OR2L13: variants seen among roughly 807,000 people sequenced by gnomAD.
OR2L13 encodes olfactory receptor family 2 subfamily L member 13.
A neutral mutation model predicts 15.3 loss-of-function variants in OR2L13; 14 were observed. The ratio of observed to expected loss-of-function variants is 0.91; its 90% CI spans 0.60 to 1.43. The LOEUF (loss-of-function observed/expected upper bound fraction) is 1.43, where lower values mean the gene tolerates loss of function less well. Among genes scored for constraint, OR2L13 ranks in the 40% most tolerant of loss-of-function variants. The pLI is 0.00. For synonymous variants in OR2L13, 152 were observed against 142.9 expected (o/e 1.06, Z -0.45); for missense variants, 367 against 387.9 (o/e 0.95, Z 0.45).
the OR2L13 span, among the ~76,000 whole-genome samples, chr1:248,070,039 C>G: frequency 2.3e-4 from 35 of 152,098 alleles, no homozygotes; most frequent in African/African-American, 7.7e-4. Context: ...GACTTTAACA[C>G]CCCACTGTCA....
chr1:248,039,131 C>A, the OR2L13 span: 2 of 1,614,028 alleles, frequency 1.2e-6, no homozygotes, highest in Non-Finnish European at 1.7e-6. Flanking sequence ...ACCCCATCAT[C>A]TACAGCCTGA....
At chr1:248,100,071 G>A (rs1028262792) in exon 3 of OR2L13, 20 of 1,613,928 alleles carry the variant, frequency 1.2e-5, no homozygotes, top group Admixed American at 1.7e-5. Flanking sequence ...CAAAGGAGGG[G>A]AGAAAAAAGG....
chr1:248,020,743 G>A, the OR2L13 span, among the ~76,000 whole-genome samples: 2 of 151,684 alleles, frequency 1.3e-5, no homozygotes, highest in African/African-American at 4.8e-5. Context: ...CTTAGAGAAA[G>A]TTTGACTTGG....
exon 3 of OR2L13, chr1:248,099,592 A>C (rs910082926): frequency 1.2e-6 from 2 of 1,613,964 alleles, no homozygotes; most frequent in Non-Finnish European, 1.7e-6. Context: ...CCTGATGTAC[A>C]TCTCCACCAC....
At chr1:248,093,913 C>T (rs1202385669), upstream of OR2L13, among the ~76,000 whole-genome samples, 5 of 151,934 alleles carry the variant, frequency 3.3e-5, no homozygotes, top group East Asian at 7.7e-4. Flanking sequence ...ACCAGAGGCT[C>T]GGCAGAGTAG....
At chr1:248,063,434 C>T in the OR2L13 span, 2 of 152,218 alleles carry the variant, frequency 1.3e-5, no homozygotes, top group Non-Finnish European at 2.9e-5. Flanking sequence ...TTTTATAAAT[C>T]AGACTATGTC....
At chr1:248,073,904 T>C in the OR2L13 span, among the ~76,000 whole-genome samples, 1 of 151,966 alleles carries the variant, frequency 6.6e-6, no homozygotes, top group African/African-American at 2.4e-5. Flanking sequence ...TAAGATGGCA[T>C]CTTTTAACTT....
chr1:248,050,073 C>T, the OR2L13 span, among the ~76,000 whole-genome samples: 1 of 152,062 alleles, frequency 6.6e-6, no homozygotes, highest in Non-Finnish European at 1.5e-5. Flanking sequence ...TGTGACGTTC[C>T]AGGTGCCAAT....
chr1:248,042,076 T>C, the OR2L13 span: 2 of 152,008 alleles, frequency 1.3e-5, no homozygotes, highest in East Asian at 1.9e-4. Context: ...TGCGGCACTA[T>C]TCACAATAGC....
At chr1:248,045,262 T>C in the OR2L13 span, among the ~76,000 whole-genome samples, 1 of 152,222 alleles carries the variant, frequency 6.6e-6, no homozygotes, top group Non-Finnish European at 1.5e-5. Flanking sequence ...CATTCTAATC[T>C]CTTCTTTCAG....
chr1:247,954,945 A>AATAT, the OR2L13 span, among the ~76,000 whole-genome samples: 11 of 106,190 alleles, frequency 1.0e-4, no homozygotes, highest in African/African-American at 2.9e-4. Context: ...TCATTCATTC[A>AATAT]ATATATATAT....
At chr1:248,001,057 T>A in the OR2L13 span, among the ~76,000 whole-genome samples, 10 of 151,674 alleles carry the variant, frequency 6.6e-5, no homozygotes, top group African/African-American at 2.4e-4. Flanking sequence ...TATTAATGTA[T>A]GTTTATTTAT....
At chr1:248,007,158 A>G in the OR2L13 span, among the ~76,000 whole-genome samples, 1 of 152,132 alleles carries the variant, frequency 6.6e-6, no homozygotes, top group African/African-American at 2.4e-5. Flanking sequence ...AAATCATTCC[A>G]TCTCTCTGAA....
chr1:247,967,525 A>G, the OR2L13 span, among the ~76,000 whole-genome samples: 1 of 152,142 alleles, frequency 6.6e-6, no homozygotes, highest in Non-Finnish European at 1.5e-5. Context: ...CACTGCGCCC[A>G]GCCTCAGTCA....
the OR2L13 span, among the ~76,000 whole-genome samples, chr1:248,077,685 CTG>C: frequency 7.2e-5 from 11 of 152,250 alleles, no homozygotes; most frequent in Admixed American, 2.6e-4. Flanking sequence ...TGAAGAAAAA[CTG>C]TGTAAGTACG....
At chr1:247,944,177 A>C in the OR2L13 span, among the ~76,000 whole-genome samples, 1 of 152,124 alleles carries the variant, frequency 6.6e-6, no homozygotes, top group Non-Finnish European at 1.5e-5. Context: ...GGATCCTTTA[A>C]GATTCATATA....
chr1:248,089,111 C>T, the OR2L13 span, among the ~76,000 whole-genome samples: 18 of 152,212 alleles, frequency 1.2e-4, no homozygotes, highest in Non-Finnish European at 1.9e-4. Context: ...TGGATACAAA[C>T]TTGGAGGATC....
At chr1:247,999,666 G>C in the OR2L13 span, among the ~76,000 whole-genome samples, 1 of 152,166 alleles carries the variant, frequency 6.6e-6, no homozygotes, top group Admixed American at 6.5e-5. Flanking sequence ...CCAGGATGCT[G>C]TGGAGAGCCA....
At chr1:248,087,165 C>T in the OR2L13 span, among the ~76,000 whole-genome samples, 22 of 151,856 alleles carry the variant, frequency 1.4e-4, no homozygotes, top group Admixed American at 5.2e-4. Context: ...ATTGATATAA[C>T]ATGGAGAAAT....
Sources: gnomAD v4.1 joint callset for allele counts (sites outside exome capture counted in the v4.1 genomes callset) on GRCh38, gnomAD v4.1.1 for gene constraint, MANE v1.5 for transcripts, NCBI Gene and HGNC (gene_info 2026-07-23, HGNC 2026-07-21) for gene names.